The following LUZP2 variants were observed in gnomAD, a reference collection of about 807,000 sequenced individuals.
The protein encoded by LUZP2 is leucine zipper protein 2.
Under a neutral mutation model 51.6 loss-of-function variants are expected in LUZP2, and 52 were observed. The ratio of observed to expected loss-of-function variants is 1.01; its 90% confidence interval spans 0.81 to 1.27. The LOEUF (loss-of-function observed/expected upper bound fraction) is 1.27, where lower values mean the gene tolerates loss of function less well. Ranked by LOEUF, LUZP2 falls within the 50% of genes most tolerant of loss-of-function variation. The pLI, the probability that LUZP2 is intolerant of heterozygous loss-of-function variation, is 0.00. For synonymous variants in LUZP2, 154 were observed against 137.3 expected (o/e 1.12, Z -0.85); for missense variants, 436 against 395.4 (o/e 1.10, Z -0.87).
intron 1 of LUZP2, among the ~76,000 whole-genome samples, chr11:24,676,436 C>T (rs1420225401): frequency 2.0e-5 from 3 of 151,948 alleles, no homozygotes; most frequent in Non-Finnish European, 4.4e-5. Context: ...AATCCAAATG[C>T]CTCCAATAAA....
intron 5 of LUZP2, among the ~76,000 whole-genome samples, chr11:24,815,268 G>A (rs998214748): frequency 6.6e-6 from 1 of 152,112 alleles, no homozygotes; most frequent in Non-Finnish European, 1.5e-5. Context: ...TAACAGTACT[G>A]TGAATGAATC....
intron 7 of LUZP2, among the ~76,000 whole-genome samples, chr11:24,971,470 T>C (rs1475564237): frequency 1.3e-5 from 2 of 152,040 alleles, no homozygotes; most frequent in African/African-American, 4.8e-5. Flanking sequence ...GCATAGGGGC[T>C]GGGGACCACT....
intron 5 of LUZP2, among the ~76,000 whole-genome samples, chr11:24,831,333 T>C (rs1850699913): frequency 6.6e-6 from 1 of 152,206 alleles, no homozygotes; most frequent in Non-Finnish European, 1.5e-5. Context: ...CACAGAGAGA[T>C]ACAGGCAATT....
In LUZP2 at chr11:24,722,867, A is replaced by G. The variant is rs1043949128; in HGVS notation, c.63-6302A>G. ...AGGACGTGGAGGTTGCAGTGAGCCG[A>G]TATCATGCCACTGCACTACAACCTG... is the stretch of plus-strand genomic sequence containing the variant. On this transcript the variant is annotated intron_variant, in intron 1 of 11. Transcript: ENST00000336930. Among the ~76,000 whole-genome samples the G allele has an allele frequency of 3.3e-5, 5 of 151,860 alleles. No homozygotes were observed. In the East Asian group the frequency reaches 7.8e-4, roughly 24 times the overall value.
At chr11:24,918,785 T>A (rs1853891368) in intron 7 of LUZP2, among the ~76,000 whole-genome samples, 1 of 148,592 alleles carries the variant, frequency 6.7e-6, no homozygotes, top group African/African-American at 2.5e-5. Flanking sequence ...TTTCCCTTTG[T>A]ATGAATTATA....
At position 24,729,345 on chromosome 11, in the gene LUZP2, G is replaced by A. The variant is rs551650515; in HGVS notation, c.180+59G>A. ...GAGGAGCAGTCATCTGATTTTCTGA[G>A]TGGATTGACATGCATTTTTAAATAG... On this transcript the variant is annotated intron_variant, in intron 2 of 11. Coordinates refer to ENST00000336930, the MANE Select transcript of LUZP2 (RefSeq NM_001009909.4). The A allele has an allele frequency of 1.0e-5, 9 of 880,378 alleles. No individual in the cohort carries two copies. The African/African-American group carries it at 1.2e-4, about 12-fold the overall frequency. The allele number at this position is 880,378 out of a possible 1,614,324, so 54.5% of individuals were successfully genotyped here. A position where few individuals can be genotyped will look rare whatever the true frequency, so the allele number is the denominator to read the frequency against.
rs906715807 is a variant in LUZP2, at chr11:24,576,227, AT to A, written c.62+78923del. Among the ~76,000 whole-genome samples the A allele has an allele frequency of 5.9e-5, 9 of 151,508 alleles. No individual in the cohort carries two copies. In the South Asian group the frequency reaches 6.2e-4, roughly 10 times the overall value. On this transcript the variant is annotated intron_variant, in intron 1 of 11. Transcript: ENST00000336930. ...GGAGTTCGAGAGCAGCCTGGCCAACATGGTGAAAACCCATCTCTACTAAAGA... is the reference window on the plus strand; with the variant it reads ...GGAGTTCGAGAGCAGCCTGGCCAACAGGTGAAAACCCATCTCTACTAAAGA...
chr11:24,959,887 T>G (rs1259492321), intron 7 of LUZP2, among the ~76,000 whole-genome samples: 1 of 152,194 alleles, frequency 6.6e-6, no homozygotes, highest in Non-Finnish European at 1.5e-5. Context: ...TGCTGTGGGT[T>G]TGTCATAGAT....
At chr11:24,527,296 T>C (rs1432176100) in intron 1 of LUZP2, among the ~76,000 whole-genome samples, 2 of 151,368 alleles carry the variant, frequency 1.3e-5, no homozygotes, top group East Asian at 1.9e-4. Context: ...TCTGATTATC[T>C]CCATAAATAT....
At chr11:24,566,176 GA>G (rs1265230485) in intron 1 of LUZP2, among the ~76,000 whole-genome samples, 1 of 151,562 alleles carries the variant, frequency 6.6e-6, no homozygotes, top group East Asian at 1.9e-4. Context: ...AAGACTTCAT[GA>G]AAAGCTATTA....
At chr11:24,790,664 G>A (rs1326813908) in intron 5 of LUZP2, among the ~76,000 whole-genome samples, 3 of 151,972 alleles carry the variant, frequency 2.0e-5, no homozygotes, top group African/African-American at 7.3e-5. Flanking sequence ...ACCACGCCCA[G>A]CTAATTTTTG....
chr11:24,711,169 G>T (rs961047529), intron 1 of LUZP2, among the ~76,000 whole-genome samples: 3 of 152,168 alleles, frequency 2.0e-5, no homozygotes, highest in African/African-American at 7.2e-5. Context: ...GATTTTCTGG[G>T]CCTGGCGCGG....
chr11:24,891,504 T>C, intron 5 of LUZP2: 1 of 959,736 alleles, frequency 1.0e-6, no homozygotes, highest in Non-Finnish European at 1.2e-6. Flanking sequence ...TTATACTTTA[T>C]GCGAAAATCA....
chr11:24,934,509 A>G (rs1426792971), intron 7 of LUZP2, among the ~76,000 whole-genome samples: 3 of 152,192 alleles, frequency 2.0e-5, no homozygotes. Flanking sequence ...TAATTTTAAG[A>G]AAATATTATT....
intron 5 of LUZP2, among the ~76,000 whole-genome samples, chr11:24,788,599 G>A (rs1849315454): frequency 6.6e-6 from 1 of 152,036 alleles, no homozygotes. Flanking sequence ...ATTATCCAGA[G>A]AAGCCAAAAC....
chr11:24,577,131 A>G (rs1303779247), intron 1 of LUZP2, among the ~76,000 whole-genome samples: 1 of 140,554 alleles, frequency 7.1e-6, no homozygotes, highest in East Asian at 2.0e-4. Flanking sequence ...GAATAGTATA[A>G]TTAATTGTTT....
At chr11:24,724,496 A>T (rs1429138209) in intron 1 of LUZP2, among the ~76,000 whole-genome samples, 1 of 152,146 alleles carries the variant, frequency 6.6e-6, no homozygotes, top group African/African-American at 2.4e-5. Flanking sequence ...GGTTTGAGCC[A>T]AGAAGCAGAG....
intron 5 of LUZP2, among the ~76,000 whole-genome samples, chr11:24,790,139 C>T (rs1366466531): frequency 6.6e-6 from 1 of 152,090 alleles, no homozygotes; most frequent in Non-Finnish European, 1.5e-5. Flanking sequence ...TGTTGTGTCA[C>T]TCATCTTTGA....
chr11:25,053,320 A>G (rs1858580278), intron 10 of LUZP2, among the ~76,000 whole-genome samples: 1 of 152,174 alleles, frequency 6.6e-6, no homozygotes, highest in South Asian at 2.1e-4. Context: ...TCTGAACAGA[A>G]GAGATTGGTA....
Sources: gnomAD v4.1 joint callset for allele counts (sites outside exome capture counted in the v4.1 genomes callset) on GRCh38, gnomAD v4.1.1 for gene constraint, MANE v1.5 for transcripts, NCBI Gene and HGNC (gene_info 2026-07-23, HGNC 2026-07-21) for gene names.